ADGRL3: variants seen among roughly 807,000 people sequenced by gnomAD.
ADGRL3 encodes the protein calcium-independent alpha-latrotoxin receptor 3.
Under a neutral mutation model 153.5 loss-of-function variants are expected in ADGRL3, and 62 were observed. The ratio of observed to expected loss-of-function variants is 0.40; its 90% CI spans 0.33 to 0.50. ADGRL3 has a LOEUF of 0.50. Among genes scored for constraint, ADGRL3 ranks in the 20% least tolerant of loss-of-function variants. ADGRL3 has a pLI of 0.47. For missense variants in ADGRL3, 1,641 were observed against 1,859.4 expected (o/e 0.88, Z 2.16); for synonymous variants, 710 against 672.5 (o/e 1.06, Z -0.86).
intron 1 of ADGRL3, among the ~76,000 whole-genome samples, chr4:61,317,017 C>T (rs2095236127): frequency 6.6e-6 from 1 of 152,116 alleles, no homozygotes; most frequent in African/African-American, 2.4e-5. Context: ...AGCTTTGAAC[C>T]TTTTAAGCTT....
At chr4:62,037,085 G>A (rs2151581850) in intron 23 of ADGRL3, among the ~76,000 whole-genome samples, 1 of 152,106 alleles carries the variant, frequency 6.6e-6, no homozygotes, top group East Asian at 1.9e-4. Context: ...GAACTATTTT[G>A]AAGGACAAAA....
intron 1 of ADGRL3, among the ~76,000 whole-genome samples, chr4:61,372,455 AC>A (rs1253475653): frequency 6.6e-6 from 1 of 151,850 alleles, no homozygotes; most frequent in African/African-American, 2.4e-5. Context: ...AACAGACAGG[AC>A]CCTCAGCTGC....
chr4:61,370,885 C>A (rs938576057), intron 1 of ADGRL3, among the ~76,000 whole-genome samples: 21 of 151,582 alleles, frequency 1.4e-4, no homozygotes, highest in Admixed American at 1.1e-3. Flanking sequence ...GTAGGTCACT[C>A]AGGACTTGCT....
chr4:61,978,805 C>G (rs142340765), intron 17 of ADGRL3, among the ~76,000 whole-genome samples: 1 of 152,246 alleles, frequency 6.6e-6, no homozygotes, highest in African/African-American at 2.4e-5. Flanking sequence ...GCTCTACTGT[C>G]TTCTATATGC....
intron 13 of ADGRL3, among the ~76,000 whole-genome samples, chr4:61,916,083 A>G (rs1311470827): frequency 1.3e-5 from 2 of 152,152 alleles, no homozygotes; most frequent in Non-Finnish European, 2.9e-5. Flanking sequence ...TTTATCTCAC[A>G]CACAAATGAA....
At chr4:61,607,596 A>T (rs950946015) in intron 5 of ADGRL3, among the ~76,000 whole-genome samples, 2 of 151,882 alleles carry the variant, frequency 1.3e-5, no homozygotes, top group African/African-American at 4.8e-5. Context: ...GTTCCACCCA[A>T]ACAAACAAAC....
At chr4:61,414,899 T>C (rs919360476) in intron 2 of ADGRL3, among the ~76,000 whole-genome samples, 3 of 151,948 alleles carry the variant, frequency 2.0e-5, no homozygotes, top group Admixed American at 6.6e-5. Flanking sequence ...CAGCTTAAAA[T>C]CTCTAAATTT....
chr4:61,373,002 C>A (rs970855329), intron 1 of ADGRL3, among the ~76,000 whole-genome samples: 2 of 152,156 alleles, frequency 1.3e-5, no homozygotes, highest in African/African-American at 4.8e-5. Context: ...CAGGTGCGGT[C>A]GGTCACCCCT....
chr4:61,255,244 T>A (rs974538), intron 1 of ADGRL3, among the ~76,000 whole-genome samples: 55,708 of 152,052 alleles, frequency 0.37, 10,708 homozygotes, highest in Non-Finnish European at 0.42. Flanking sequence ...AGCTGCTGTC[T>A]GAAGCAAATC....
At chr4:61,432,570 CTTCCTTTCTTTCTT>C (rs1290652985) in intron 2 of ADGRL3, among the ~76,000 whole-genome samples, 4,090 of 71,520 alleles carry the variant, frequency 0.057, 1,257 homozygotes, top group East Asian at 0.1. Context: ...TTTTCTTTCT[CTTCCTTTCTTTCTT>C]TCTTTCTTTC....
At chr4:61,759,570 G>A (rs1168170242) in intron 8 of ADGRL3, among the ~76,000 whole-genome samples, 6 of 151,972 alleles carry the variant, frequency 3.9e-5, no homozygotes, top group East Asian at 1.9e-4. Context: ...TTAGCCATTC[G>A]TCTAATTTTT....
rs543742121 is a variant in ADGRL3 at position 61,238,418 on chromosome 4, A to G, written c.-240+36653A>G. 4.6e-5 allele frequency among the ~76,000 whole-genome samples: 7 copies of G among 151,144 alleles called. No homozygotes were observed. The South Asian group carries it at 1.5e-3, about 32-fold the overall frequency. ...ATAGTGAAACTTAAACATTAGTTTTATTAAAGGGTAAATTCTAATGTGTGG... is the reference window on the plus strand; with the variant it reads ...ATAGTGAAACTTAAACATTAGTTTTGTTAAAGGGTAAATTCTAATGTGTGG... On this transcript the variant is annotated intron_variant, in intron 1 of 26. Coordinates refer to ENST00000683033, the MANE Select transcript of ADGRL3 (RefSeq NM_001387552.1).
intron 25 of ADGRL3, among the ~76,000 whole-genome samples, chr4:62,054,357 C>G (rs140265027): frequency 1.3e-5 from 2 of 151,592 alleles, no homozygotes; most frequent in Non-Finnish European, 3.0e-5. Flanking sequence ...TGCTTTGAAG[C>G]AGATTCACCA....
At chr4:61,334,247 A>C (rs1223764981) in intron 1 of ADGRL3, among the ~76,000 whole-genome samples, 1 of 152,134 alleles carries the variant, frequency 6.6e-6, no homozygotes, top group East Asian at 1.9e-4. Context: ...TTTATAGTGT[A>C]CATGAACTAT....
At chr4:61,609,387 G>A (rs1019076172) in intron 5 of ADGRL3, among the ~76,000 whole-genome samples, 1 of 151,982 alleles carries the variant, frequency 6.6e-6, no homozygotes, top group Non-Finnish European at 1.5e-5. Context: ...ACACCCTAAA[G>A]ACTATTTTAA....
chr4:61,432,933 G>A (rs1250157734), intron 2 of ADGRL3, among the ~76,000 whole-genome samples: 2 of 151,800 alleles, frequency 1.3e-5, no homozygotes, highest in Non-Finnish European at 2.9e-5. Context: ...GATTACAGGT[G>A]TGAGCCACTG....
intron 9 of ADGRL3, among the ~76,000 whole-genome samples, chr4:61,856,952 CTTT>C (rs2098276368): frequency 1.8e-4 from 6 of 33,960 alleles, no homozygotes; most frequent in African/African-American, 7.2e-4. Flanking sequence ...TTCTTCTTCT[CTTT>C]CTTTCTTTCT....
At chr4:61,298,606 G>C (rs979803884) in intron 1 of ADGRL3, among the ~76,000 whole-genome samples, 2 of 152,042 alleles carry the variant, frequency 1.3e-5, no homozygotes, top group African/African-American at 4.8e-5. Flanking sequence ...TGCCCAGGGA[G>C]GCTTACTTCA....
chr4:61,531,891 A>G (rs1383549318), intron 4 of ADGRL3, among the ~76,000 whole-genome samples: 1 of 152,170 alleles, frequency 6.6e-6, no homozygotes, highest in African/African-American at 2.4e-5. Context: ...TATTATTTTC[A>G]CCTTTCATAA....
Sources: allele counts gnomAD v4.1 joint callset (sites outside exome capture counted in the v4.1 genomes callset), GRCh38; gene constraint gnomAD v4.1.1; transcripts MANE v1.5; gene names NCBI Gene and HGNC (gene_info 2026-07-23, HGNC 2026-07-21).